The following GDPD1 variants were observed in gnomAD, a reference collection of about 807,000 sequenced individuals.
GDPD1 encodes the protein lysophospholipase D GDPD1.
A neutral mutation model predicts 45.1 loss-of-function variants in GDPD1; 28 were observed. The ratio of observed to expected loss-of-function variants is 0.62; its 90% CI spans 0.46 to 0.85. The LOEUF (loss-of-function observed/expected upper bound fraction) is 0.85, where lower values mean the gene tolerates loss of function less well. Among genes scored for constraint, GDPD1 ranks in the 40% least tolerant of loss-of-function variants. The probability of loss-of-function intolerance (pLI) is 0.00; values close to 1 mark genes in which losing one functional copy is unlikely to be tolerated. For synonymous variants in GDPD1, 139 were observed against 131.4 expected (o/e 1.06, Z -0.40); for missense variants, 256 against 364.8 (o/e 0.70, Z 2.43).
chr17:59,240,583 C>G (rs2047168520), intron 2 of GDPD1, among the ~76,000 whole-genome samples: 1 of 151,998 alleles, frequency 6.6e-6, no homozygotes, highest in African/African-American at 2.4e-5. Context: ...ATCCTCCTGC[C>G]TCAGCATCCC....
At chr17:59,265,901 CAAAA>C (rs60404339) in intron 6 of GDPD1, among the ~76,000 whole-genome samples, 4 of 80,358 alleles carry the variant, frequency 5.0e-5, no homozygotes, top group East Asian at 3.7e-4. Flanking sequence ...GACCTTATCT[CAAAA>C]AAAAAAAAAA....
chr17:59,273,465 T>G (rs2047458603), intron 9 of GDPD1, among the ~76,000 whole-genome samples, 186 bp from the exon 10 acceptor site: 1 of 152,198 alleles, frequency 6.6e-6, no homozygotes, highest in Non-Finnish European at 1.5e-5. Context: ...TGAATTTTTT[T>G]TTAACACTCC....
intron 6 of GDPD1, among the ~76,000 whole-genome samples, chr17:59,262,071 C>T (rs1286319706): frequency 6.6e-6 from 1 of 150,886 alleles, no homozygotes; most frequent in African/African-American, 2.4e-5. Context: ...GCGCCCGCCA[C>T]TACGCCCGGC....
intron 1 of GDPD1, among the ~76,000 whole-genome samples, chr17:59,224,453 C>T (rs1185559879): frequency 6.6e-6 from 1 of 151,848 alleles, no homozygotes; most frequent in African/African-American, 2.4e-5. Context: ...GAAACACCGT[C>T]GCTACTAAAA....
At chr17:59,272,251 G>T (rs1372024395) in intron 8 of GDPD1, among the ~76,000 whole-genome samples, 1 of 152,114 alleles carries the variant, frequency 6.6e-6, no homozygotes, top group Non-Finnish European at 1.5e-5. Flanking sequence ...TATTTTGAAA[G>T]TTCACTTATC....
chr17:59,250,181 T>C (rs1279812548), intron 4 of GDPD1, among the ~76,000 whole-genome samples: 9 of 152,256 alleles, frequency 5.9e-5, no homozygotes, highest in Admixed American at 4.6e-4. Context: ...AAACTTTTCT[T>C]CATTCTTGTA....
chr17:59,243,637 G>A (rs182533863), intron 2 of GDPD1, among the ~76,000 whole-genome samples: 7 of 152,170 alleles, frequency 4.6e-5, no homozygotes, highest in Non-Finnish European at 1.0e-4. Context: ...GTTCCACCAG[G>A]GATCCTTGGC....
chr17:59,259,333 C>T (rs1474131430), intron 6 of GDPD1, among the ~76,000 whole-genome samples: 1 of 151,578 alleles, frequency 6.6e-6, no homozygotes, highest in Non-Finnish European at 1.5e-5. Context: ...TTTGGGAGGC[C>T]GAGGAGGGCG....
At chr17:59,267,221 A>G (rs1432262836) in intron 7 of GDPD1, 47 bp downstream of exon 7, 2 of 1,529,440 alleles carry the variant, frequency 1.3e-6, no homozygotes, top group East Asian at 4.5e-5. Flanking sequence ...AATTACAGAA[A>G]GACTAAGATA....
intron 6 of GDPD1, among the ~76,000 whole-genome samples, chr17:59,263,573 G>A (rs1045303607): frequency 2.2e-5 from 3 of 133,452 alleles, no homozygotes; most frequent in African/African-American, 8.6e-5. Context: ...CCACCTCCCG[G>A]GTTCAAGCGA....
intron 1 of GDPD1, 113 bp downstream of exon 1, chr17:59,220,864 TTG>T: frequency 8.3e-7 from 1 of 1,206,434 alleles, no homozygotes; most frequent in Non-Finnish European, 1.2e-6. Flanking sequence ...AAGAATGGGG[TTG>T]TGTGAATTGA....
chr17:59,231,387 C>T (rs917209134), intron 1 of GDPD1, among the ~76,000 whole-genome samples: 2 of 135,874 alleles, frequency 1.5e-5, no homozygotes, highest in African/African-American at 5.8e-5. Context: ...AGTGCAGTGG[C>T]ACGATCTCAG....
intron 7 of GDPD1, among the ~76,000 whole-genome samples, chr17:59,269,015 T>C (rs1332317331): frequency 6.6e-6 from 1 of 150,680 alleles, no homozygotes; most frequent in African/African-American, 2.4e-5. Context: ...AGAAAAACAA[T>C]TGGCCGGGCG....
chr17:59,241,966 A>G (rs568231445), intron 2 of GDPD1, among the ~76,000 whole-genome samples: 4 of 152,310 alleles, frequency 2.6e-5, no homozygotes, highest in Non-Finnish European at 4.4e-5. Flanking sequence ...TGTTTATTAG[A>G]TTAAATTCCT....
intron 6 of GDPD1, among the ~76,000 whole-genome samples, chr17:59,259,566 C>CAAAA (rs71367681): frequency 4.0e-5 from 1 of 24,848 alleles, no homozygotes; most frequent in Non-Finnish European, 7.3e-5. Flanking sequence ...GACTCTGTCT[C>CAAAA]AAAAAAAAAA....
Position 59,267,182 on chromosome 17 carries a change from G to C in GDPD1, c.710+8G>C. On this transcript the variant is annotated splice_region_variant and intron_variant, in intron 7 of 9. Transcript: ENST00000284116. ...GCCTTCTATTATACTGAAGTAAGTG[G>C]TTACCCTTTTATTTTAAAATCAATT... 6.2e-7 allele frequency: 1 copy of C among 1,605,780 alleles called. No individual in the cohort carries two copies.
In GDPD1 at chr17:59,261,913, C is replaced by CTTT. The variant is rs58058526; in HGVS notation, c.576+4093_576+4095dup. Among the ~76,000 whole-genome samples, 528 of 79,342 alleles carry CTTT rather than the reference C, an allele frequency of 6.7e-3. 9 individuals are homozygous for CTTT. The highest frequency in any genetic ancestry group is 8.0e-3 in the East Asian group (19 of 2,378). The allele number at this position is 79,342 out of a possible 152,430, so 52.1% of individuals were successfully genotyped here. The stretch of plus-strand genomic sequence containing the variant: ...TTTCCCAAAGTGCTGAGATTACAGG[C>CTTT]TTTTTTTTTTTTTTTTTTTTTTGAG... On this transcript the variant is annotated intron_variant, in intron 6 of 9. Coordinates refer to ENST00000284116, the MANE Select transcript of GDPD1 (RefSeq NM_182569.4).
At chr17:59,246,387 G>A (rs1012806239) in intron 3 of GDPD1, among the ~76,000 whole-genome samples, 1 of 151,976 alleles carries the variant, frequency 6.6e-6, no homozygotes, top group Non-Finnish European at 1.5e-5. Context: ...GGGAGGCTGA[G>A]GCAGGCAGAT....
At chr17:59,256,318 A>G (rs2047308885) in intron 4 of GDPD1, among the ~76,000 whole-genome samples, 1 of 152,040 alleles carries the variant, frequency 6.6e-6, no homozygotes, top group South Asian at 2.1e-4. Context: ...CCCTGTCTCA[A>G]ACAAACAAAC....
Sources: gnomAD v4.1 joint callset for allele counts (sites outside exome capture counted in the v4.1 genomes callset) on GRCh38, gnomAD v4.1.1 for gene constraint, MANE v1.5 for transcripts, NCBI Gene and HGNC (gene_info 2026-07-23, HGNC 2026-07-21) for gene names.